The following HS6ST2 variants were observed in gnomAD, a reference collection of about 807,000 sequenced individuals.
HS6ST2 encodes heparan sulfate 6-O-sulfotransferase 2.
A neutral mutation model predicts 33.0 loss-of-function variants in HS6ST2; 17 were observed. The observed-to-expected ratio is 0.52, with a 90% CI of 0.35 to 0.77. HS6ST2 has a LOEUF of 0.77. Ranked by LOEUF, HS6ST2 falls within the 30% of genes least tolerant of loss-of-function variation. HS6ST2 has a pLI of 0.01. For missense variants in HS6ST2, 519 were observed against 551.7 expected, an observed-to-expected ratio of 0.94 and a Z score of 0.59; for synonymous variants, 248 against 237.1, an observed-to-expected ratio of 1.05 and a Z score of -0.42.
At chrX:132,766,463 A>C (rs2064849315) in intron 2 of HS6ST2, among the ~76,000 whole-genome samples, 1 of 111,814 alleles carries the variant, frequency 8.9e-6, no homozygotes, top group Non-Finnish European at 1.9e-5. Context: ...TCTGGAGGAC[A>C]ATGTCACAAA....
intron 2 of HS6ST2, among the ~76,000 whole-genome samples, chrX:132,893,010 T>G (rs1378727701): frequency 8.9e-6 from 1 of 112,521 alleles, no homozygotes; most frequent in Non-Finnish European, 1.9e-5. Flanking sequence ...TTGTTATGTT[T>G]TATTGCTTTT....
chrX:132,825,595 T>G (rs2065509676), intron 2 of HS6ST2, among the ~76,000 whole-genome samples: 1 of 111,970 alleles, frequency 8.9e-6, no homozygotes, highest in Non-Finnish European at 1.9e-5. Context: ...TTTCTGGATG[T>G]GTGACCTTGG....
chrX:132,753,000 C>A (rs186999971), intron 2 of HS6ST2, among the ~76,000 whole-genome samples: 6 of 112,238 alleles, frequency 5.3e-5, no homozygotes, highest in African/African-American at 1.9e-4. Flanking sequence ...ATGCTCTTTG[C>A]GAGGATGGCT....
chrX:132,931,721 C>T (rs1157394632), intron 2 of HS6ST2, among the ~76,000 whole-genome samples: 1 of 111,207 alleles, frequency 9.0e-6, no homozygotes, highest in Non-Finnish European at 1.9e-5. Flanking sequence ...GAAAGTAAAA[C>T]CCTAAAGGTC....
chrX:132,954,676 C>T (rs987266056), intron 2 of HS6ST2, among the ~76,000 whole-genome samples: 2 of 111,860 alleles, frequency 1.8e-5, no homozygotes, highest in African/African-American at 3.2e-5. Flanking sequence ...CAATGCATTT[C>T]TCTAGCAAGT....
At chrX:132,711,654 C>T (rs751190415) in intron 2 of HS6ST2, among the ~76,000 whole-genome samples, 2 of 111,533 alleles carry the variant, frequency 1.8e-5, no homozygotes, top group African/African-American at 6.5e-5. Context: ...GTTCACAGAG[C>T]CCAGAGCACA....
chrX:132,919,381 G>A (rs752205380), intron 2 of HS6ST2, among the ~76,000 whole-genome samples: 10 of 111,765 alleles, frequency 8.9e-5, no homozygotes, highest in Non-Finnish European at 1.9e-4. Flanking sequence ...TTCCATTTTA[G>A]GACTTCTCTA....
intron 2 of HS6ST2, among the ~76,000 whole-genome samples, chrX:132,813,407 C>T (rs887883052): frequency 1.5e-4 from 17 of 111,455 alleles, no homozygotes; most frequent in African/African-American, 5.2e-4. Context: ...ACATTTATTC[C>T]GCCCAGATCA....
intron 2 of HS6ST2, among the ~76,000 whole-genome samples, chrX:132,826,337 C>T (rs1412556336): frequency 9.0e-6 from 1 of 111,277 alleles, no homozygotes; most frequent in Non-Finnish European, 1.9e-5. Flanking sequence ...AATATGATCG[C>T]CAGTAGCCAC....
chrX:132,905,857 C>G (rs1433487020), intron 2 of HS6ST2, among the ~76,000 whole-genome samples: 1 of 111,307 alleles, frequency 9.0e-6, no homozygotes, highest in Admixed American at 9.6e-5. Context: ...GACACTGTGT[C>G]TATGAAAAAA....
intron 2 of HS6ST2, among the ~76,000 whole-genome samples, chrX:132,775,524 G>T (rs2148326214): frequency 8.9e-6 from 1 of 111,906 alleles, no homozygotes; most frequent in Admixed American, 9.5e-5. Flanking sequence ...TTTTCTAAGT[G>T]AAATTACTAA....
intron 3 of HS6ST2, among the ~76,000 whole-genome samples, chrX:132,680,299 C>T (rs1416021844): frequency 9.0e-6 from 1 of 111,030 alleles, no homozygotes; most frequent in Non-Finnish European, 1.9e-5. Flanking sequence ...GTTTGGGGTC[C>T]CTGACTTCCC....
chrX:132,865,850 T>C (rs777270735), intron 2 of HS6ST2, among the ~76,000 whole-genome samples: 1,217 of 111,574 alleles, frequency 0.011, 23 homozygotes, highest in African/African-American at 0.037. Context: ...TGTAAATTTG[T>C]TTGAGTTCAT....
At position 132,901,054 on chromosome X, in the gene HS6ST2, G is replaced by T. The variant is rs768677064; in HGVS notation, c.947+55754C>A. Among the ~76,000 whole-genome samples the T allele has an allele frequency of 7.1e-5, 8 of 112,266 alleles. No individual in the cohort carries two copies. In the East Asian group the frequency reaches 2.2e-3, roughly 32 times the overall value. ...TGGGGGTTTCCAGCTGACAGTCAGTGATGAACTGAGGCCTTCAGTCCAACA... is the reference window on the plus strand; with the variant it reads ...TGGGGGTTTCCAGCTGACAGTCAGTTATGAACTGAGGCCTTCAGTCCAACA... On this transcript the variant is annotated intron_variant, in intron 2 of 4. Coordinates refer to ENST00000370833, the MANE Select transcript of HS6ST2 (RefSeq NM_001394073.1).
intron 2 of HS6ST2, among the ~76,000 whole-genome samples, chrX:132,956,137 C>A (rs752490845): frequency 8.9e-6 from 1 of 111,749 alleles, no homozygotes; most frequent in South Asian, 3.8e-4. Flanking sequence ...AGAGGGACAC[C>A]CAGTCGCCCG....
intron 2 of HS6ST2, among the ~76,000 whole-genome samples, chrX:132,884,350 A>G (rs1188792759): frequency 8.9e-6 from 1 of 112,107 alleles, no homozygotes; most frequent in Non-Finnish European, 1.9e-5. Context: ...TAAATTTGAA[A>G]GTCCAAATTA....
At chrX:132,686,133 TCTTTAATGAAAACAGTTCTGCTGAC>T (rs2064014899) in intron 3 of HS6ST2, among the ~76,000 whole-genome samples, 1 of 112,245 alleles carries the variant, frequency 8.9e-6, no homozygotes, top group Admixed American at 9.5e-5. Context: ...TTCACTGACT[TCTTTAATGAAAACAGTTCTGCTGAC>T]AGGTGAGAAA....
At chrX:132,890,432 G>A (rs762140578) in intron 2 of HS6ST2, among the ~76,000 whole-genome samples, 15 of 105,520 alleles carry the variant, frequency 1.4e-4, no homozygotes, top group Non-Finnish European at 2.9e-4. Flanking sequence ...TAAAAGTAAT[G>A]GCAAAACCCG....
At chrX:132,950,706 C>T (rs1467879306) in intron 2 of HS6ST2, among the ~76,000 whole-genome samples, 1 of 112,124 alleles carries the variant, frequency 8.9e-6, no homozygotes, top group Non-Finnish European at 1.9e-5. Context: ...ATTCTCTAAT[C>T]AGCTCGTGAG....
Sources: allele counts gnomAD v4.1 joint callset (sites outside exome capture counted in the v4.1 genomes callset), GRCh38; gene constraint gnomAD v4.1.1; transcripts MANE v1.5; gene names NCBI Gene and HGNC (gene_info 2026-07-23, HGNC 2026-07-21).